ZNF740: variants seen among roughly 807,000 people sequenced by gnomAD.
ZNF740 encodes oriLyt TD-element-binding protein 7.
In ZNF740, 14 loss-of-function variants were observed where a neutral mutation model predicts 24.8. The ratio of observed to expected loss-of-function variants is 0.56; its 90% CI spans 0.37 to 0.88. ZNF740 has a LOEUF of 0.88. Among genes scored for constraint, ZNF740 ranks in the 40% least tolerant of loss-of-function variants. ZNF740 has a pLI of 0.00. For missense variants in ZNF740, 201 were observed against 247.9 expected (o/e 0.81, Z 1.27); for synonymous variants, 69 against 84.0 (o/e 0.82, Z 0.98).
In ZNF740 at chr12:53,187,807, G is replaced by C. The variant is rs1592389604; in HGVS notation, c.*217G>C. 1.1e-5 allele frequency: 6 copies of C among 541,870 alleles called. No homozygotes were observed. In the South Asian group the frequency reaches 1.2e-4, roughly 11 times the overall value. The allele number at this position is 541,870 out of a possible 1,614,324, so 33.6% of individuals were successfully genotyped here. On this transcript the variant is annotated 3_prime_UTR_variant, in exon 7 of 7. Coordinates refer to ENST00000416904, the MANE Select transcript of ZNF740 (RefSeq NM_001004304.4). ...TGAGTATCTCGGGGAAGTTCTTACAGCATTCCTGGGTAGGGGAGCTAGTCC... is the reference window on the plus strand; with the variant it reads ...TGAGTATCTCGGGGAAGTTCTTACACCATTCCTGGGTAGGGGAGCTAGTCC...
Position 53,192,967 on chromosome 12 carries a change from C to A in ZNF740, c.*5377C>A. ...ATACTCCACACACACAGTTGGCCATCATGTGGCACGACAAGCCCACGCATC... is the reference window on the plus strand; with the variant it reads ...ATACTCCACACACACAGTTGGCCATAATGTGGCACGACAAGCCCACGCATC... On this transcript the variant is annotated 3_prime_UTR_variant, in exon 7 of 7. Transcript: ENST00000416904. The A allele has an allele frequency of 3.2e-6, 5 of 1,550,416 alleles. No homozygotes were observed. The highest frequency in any genetic ancestry group is 1.4e-5 in the African/African-American group (1 of 73,716).
intron 2 of ZNF740, among the ~76,000 whole-genome samples, chr12:53,182,759 G>A (rs1941708010): frequency 6.6e-6 from 1 of 152,156 alleles, no homozygotes; most frequent in African/African-American, 2.4e-5. Flanking sequence ...TAGTTATGGA[G>A]GTAGTATTGA....
At position 53,185,421 on chromosome 12, in the gene ZNF740, G is replaced by A. The variant is rs763687167; in HGVS notation, c.194G>A (p.Arg65His). 31 of 1,613,826 alleles carry A rather than the reference G, an allele frequency of 1.9e-5. No homozygotes were observed. The highest frequency in any genetic ancestry group is 6.7e-5 in the African/African-American group (5 of 74,918). Residue 65 changes from arginine to histidine, a missense_variant, in exon 4 of 7, where the codon CGC becomes CAC. By Grantham distance (29) the Arg-to-His change is conservative. Around this residue, in one of 3 missense-constraint regions of ZNF740, gnomAD observed 117 missense variants for 122.3 expected, o/e 0.96. Coordinates refer to ENST00000416904, the MANE Select transcript of ZNF740 (RefSeq NM_001004304.4). ...HRKDSDKSRSRKDDDSLSEAS... is the reference protein window; with the variant it reads ...HRKDSDKSRSHKDDDSLSEAS... ...AAAGACAGTGATAAGTCCCGGAGCCGCAAAGATGATGACAGCTTGTCTGAG... is the reference window on the plus strand; with the variant it reads ...AAAGACAGTGATAAGTCCCGGAGCCACAAAGATGATGACAGCTTGTCTGAG...
intron 1 of ZNF740, chr12:53,181,050 G>C: frequency 1.1e-6 from 1 of 884,406 alleles, no homozygotes; most frequent in Non-Finnish European, 1.4e-6. Context: ...GCCCGGGAGA[G>C]GGCTCTCGGA....
intron 2 of ZNF740, among the ~76,000 whole-genome samples, chr12:53,183,436 C>G (rs527692362): frequency 5.1e-4 from 78 of 152,288 alleles, no homozygotes; most frequent in Non-Finnish European, 9.9e-4. Flanking sequence ...TACTGATCAT[C>G]TAAAAGGAAT....
Position 53,189,543 on chromosome 12 carries a change from C to A in ZNF740, c.*1953C>A, listed in dbSNP as rs1180707762. Reference sequence around the variant, plus strand: ...GCAGGCATGGCACCCATTCGATTTTCCCTGACAGCATCTGAGATCCTTTTG... The same window carrying A: ...GCAGGCATGGCACCCATTCGATTTTACCTGACAGCATCTGAGATCCTTTTG... On this transcript the variant is annotated 3_prime_UTR_variant, in exon 7 of 7. Transcript: ENST00000416904. 1 of 152,140 alleles carries A rather than the reference C, an allele frequency of 6.6e-6. No homozygotes were observed. Among genetic ancestry groups the A allele is most frequent in the African/African-American group, 2.4e-5 (1 of 41,402 alleles). The allele number at this position is 152,140 out of a possible 1,614,324, so 9.4% of individuals were successfully genotyped here.
chr12:53,182,992 G>C (rs569258530), intron 2 of ZNF740, among the ~76,000 whole-genome samples: 38 of 152,302 alleles, frequency 2.5e-4, no homozygotes, highest in Non-Finnish European at 4.9e-4. Context: ...GCTTCTCCCA[G>C]CTTGCTTCTA....
rs758014106 is a variant in ZNF740, at chr12:53,194,156, C to A, written c.*6566C>A. The A allele has an allele frequency of 9.9e-6, 16 of 1,612,118 alleles. No individual in the cohort carries two copies. Among genetic ancestry groups the A allele is most frequent in the Non-Finnish European group, 1.4e-5 (16 of 1,178,474 alleles). ...CTGCCTGCTTAATTTCCCACTCCCA[C>A]CTCCCCCTGCCCGCCTTCTGCCTGT... On this transcript the variant is annotated 3_prime_UTR_variant, in exon 7 of 7. Transcript: ENST00000416904.
In ZNF740 at chr12:53,181,833, G is replaced by T; in HGVS notation, c.-151G>T. On this transcript the variant is annotated 5_prime_UTR_variant, in exon 2 of 7. Coordinates refer to ENST00000416904, the MANE Select transcript of ZNF740 (RefSeq NM_001004304.4). ...CTTCGGAGGACACTAAGTTCTATTT[G>T]AAGACAAAGTTCAATATGGCAACAG... is the stretch of plus-strand genomic sequence containing the variant. 1.0e-6 allele frequency: 1 copy of T among 970,050 alleles called. No individual in the cohort carries two copies. The highest frequency in any genetic ancestry group is 1.6e-5 in the South Asian group (1 of 61,054). 60.1% of individuals were successfully genotyped at this position (970,050 alleles called of 1,614,324 possible). A position where few individuals can be genotyped will look rare whatever the true frequency, so the allele number is the denominator to read the frequency against.
chr12:53,181,958 T>TA lies in ZNF740; in HGVS notation c.-26_-25insA. ...GTGGACCTAGGAACTCCTGAACTTTTGGGTTGCCTTAAGTGAGAAATCAGC... is the reference window on the plus strand; with the variant it reads ...GTGGACCTAGGAACTCCTGAACTTTTAGGGTTGCCTTAAGTGAGAAATCAGC... On this transcript the variant is annotated 5_prime_UTR_variant, in exon 2 of 7. Transcript: ENST00000416904. The TA allele has an allele frequency of 6.2e-7, 1 of 1,604,630 alleles. No homozygotes were observed. Among genetic ancestry groups the TA allele is most frequent in the Non-Finnish European group, 8.5e-7 (1 of 1,175,248 alleles).
intron 2 of ZNF740, among the ~76,000 whole-genome samples, chr12:53,183,918 GGAGGTA>G (rs1316924169): frequency 2.6e-5 from 4 of 152,074 alleles, no homozygotes; most frequent in Non-Finnish European, 4.4e-5. Context: ...CAGTTACTCA[GGAGGTA>G]GAGGTAGAAG....
rs1203083762 is a variant in ZNF740, at chr12:53,189,516, AAGC to A, written c.*1929_*1931del. ...GGTATGAGTATTTCAGGGAAAAAGAAAGCAGGCATGGCACCCATTCGATTTTCC... is the reference window on the plus strand; with the variant it reads ...GGTATGAGTATTTCAGGGAAAAAGAAAGGCATGGCACCCATTCGATTTTCC... On this transcript the variant is annotated 3_prime_UTR_variant, in exon 7 of 7. Coordinates refer to ENST00000416904, the MANE Select transcript of ZNF740 (RefSeq NM_001004304.4). 6.6e-6 allele frequency: 1 copy of A among 152,166 alleles called. No homozygotes were observed. The highest frequency in any genetic ancestry group is 1.5e-5 in the Non-Finnish European group (1 of 68,042). The allele number at this position is 152,166 out of a possible 1,614,324, so 9.4% of individuals were successfully genotyped here.
chr12:53,186,698 A>G (rs1284004733), intron 6 of ZNF740, 189 bp downstream of exon 6: 6 of 437,356 alleles, frequency 1.4e-5, no homozygotes, highest in Non-Finnish European at 2.1e-5. Context: ...GAACATTGTA[A>G]TAATAATAAT....
chr12:53,186,300 A>G (rs1346670129), intron 5 of ZNF740, 91 bp from the exon 6 acceptor site: 3 of 1,280,474 alleles, frequency 2.3e-6, no homozygotes, highest in Non-Finnish European at 3.3e-6. Flanking sequence ...GTGTCTACAC[A>G]TTACTAAGAG....
Position 53,194,021 on chromosome 12 carries a change from C to G in ZNF740, c.*6431C>G, listed in dbSNP as rs1359067627. On this transcript the variant is annotated 3_prime_UTR_variant, in exon 7 of 7. Coordinates refer to ENST00000416904, the MANE Select transcript of ZNF740 (RefSeq NM_001004304.4). Reference sequence around the variant, plus strand: ...GAAGGGATGGGGTCATGTTAACACCCAACTCCTAGAAACATGCCTGAGGAA... The same window carrying G: ...GAAGGGATGGGGTCATGTTAACACCGAACTCCTAGAAACATGCCTGAGGAA... 3 of 1,300,496 alleles carry G rather than the reference C, an allele frequency of 2.3e-6. No individual in the cohort carries two copies. Among genetic ancestry groups the G allele is most frequent in the African/African-American group, 1.5e-5 (1 of 68,268 alleles). 80.6% of individuals were successfully genotyped at this position (1,300,496 alleles called of 1,614,324 possible).
At chr12:53,181,328 A>G (rs554777121) in intron 1 of ZNF740, 5 of 985,332 alleles carry the variant, frequency 5.1e-6, no homozygotes, top group Non-Finnish European at 6.0e-6. Context: ...CCTCCACCCT[A>G]GTCTTGCCGC....
intron 3 of ZNF740, 76 bp from the exon 4 acceptor site, chr12:53,185,311 T>C: frequency 6.7e-7 from 1 of 1,484,958 alleles, no homozygotes; most frequent in Non-Finnish European, 9.3e-7. Flanking sequence ...TTTATGAATT[T>C]TGTCTGAGAG....
chr12:53,185,327 T>C, intron 3 of ZNF740, 60 bp from the exon 4 acceptor site: 2 of 1,552,086 alleles, frequency 1.3e-6, no homozygotes, highest in Non-Finnish European at 1.8e-6. Flanking sequence ...GAGAGCTGCA[T>C]TGGGTCTCAT....
At chr12:53,185,690 T>A (rs571570588) in intron 4 of ZNF740, among the ~76,000 whole-genome samples, 1 of 152,160 alleles carries the variant, frequency 6.6e-6, no homozygotes, top group South Asian at 2.1e-4. Context: ...GAGCATGAGA[T>A]CCCAGATCCC....
Sources: allele counts gnomAD v4.1 joint callset (sites outside exome capture counted in the v4.1 genomes callset), GRCh38; gene constraint gnomAD v4.1.1; regional missense constraint gnomAD v4.1.1; transcripts MANE v1.5; gene names NCBI Gene and HGNC (gene_info 2026-07-23, HGNC 2026-07-21).